The following NXPH2 variants were observed in gnomAD, a reference collection of about 807,000 sequenced individuals.
NXPH2 encodes the protein neurexophilin 2, also known as neurexophilin-2.
A neutral mutation model predicts 19.8 loss-of-function variants in NXPH2; 5 were observed. The ratio of observed to expected loss-of-function variants is 0.25; its 90% CI spans 0.13 to 0.53. The LOEUF is 0.53. NXPH2 is among the 20% of genes least tolerant of loss of function. The pLI is 0.96. For synonymous variants in NXPH2, 154 were observed against 127.4 expected, an observed-to-expected ratio of 1.21 and a Z score of -1.41; for missense variants, 289 against 322.8, an observed-to-expected ratio of 0.90 and a Z score of 0.80.
intron 1 of NXPH2, among the ~76,000 whole-genome samples, chr2:138,779,109 C>G: frequency 6.6e-6 from 1 of 152,140 alleles, no homozygotes; most frequent in South Asian, 2.1e-4. Flanking sequence ...ACAAAGAGAA[C>G]GAGAGAGAGA....
In NXPH2 at chr2:138,711,145, C is replaced by CTTTTTTTTT. The variant is rs397766605; in HGVS notation, c.52-39489_52-39481dup. 5.0e-3 allele frequency among the ~76,000 whole-genome samples: 458 copies of CTTTTTTTTT among 91,046 alleles called. 45 individuals carry two copies. The highest frequency in any genetic ancestry group is 0.013 in the African/African-American group (320 of 24,866). 59.7% of individuals were successfully genotyped at this position (91,046 alleles called of 152,430 possible). A position where few individuals can be genotyped will look rare whatever the true frequency, so the allele number is the denominator to read the frequency against. On this transcript the variant is annotated intron_variant, in intron 1 of 1. Transcript: ENST00000272641. Reference sequence around the variant, plus strand: ...TGGAATTTCCTTCCCATTTCTATCACTTTTTTTTTTTTTGAGATTGAGTCT... The same window carrying CTTTTTTTTT: ...TGGAATTTCCTTCCCATTTCTATCACTTTTTTTTTTTTTTTTTTTTTTGAGATTGAGTCT...
At chr2:138,708,084 C>T (rs1015985844) in intron 1 of NXPH2, among the ~76,000 whole-genome samples, 1 of 152,178 alleles carries the variant, frequency 6.6e-6, no homozygotes, top group African/African-American at 2.4e-5. Context: ...TCATGTGTGG[C>T]ACTGTGCTTG....
chr2:138,690,310 C>T (rs895249614), intron 1 of NXPH2, among the ~76,000 whole-genome samples: 10 of 152,158 alleles, frequency 6.6e-5, no homozygotes, highest in South Asian at 2.1e-4. Context: ...AACATGACCT[C>T]TCTCCTGGGT....
At chr2:138,733,656 A>G (rs1681486328) in intron 1 of NXPH2, among the ~76,000 whole-genome samples, 1 of 152,204 alleles carries the variant, frequency 6.6e-6, no homozygotes, top group Admixed American at 6.6e-5. Flanking sequence ...AACAAGGGAT[A>G]TGACATCTAA....
At chr2:138,761,813 C>T (rs942827768) in intron 1 of NXPH2, among the ~76,000 whole-genome samples, 2 of 152,142 alleles carry the variant, frequency 1.3e-5, no homozygotes, top group Non-Finnish European at 1.5e-5. Context: ...TTATCTTATG[C>T]GTCCAAAAGG....
chr2:138,770,106 T>C (rs1417139901), intron 1 of NXPH2, among the ~76,000 whole-genome samples: 1 of 152,142 alleles, frequency 6.6e-6, no homozygotes, highest in Non-Finnish European at 1.5e-5. Context: ...ATAAAAAGTT[T>C]ATAAAAGACT....
intron 1 of NXPH2, among the ~76,000 whole-genome samples, chr2:138,746,847 C>T (rs1558928154): frequency 6.6e-6 from 1 of 152,052 alleles, no homozygotes; most frequent in African/African-American, 2.4e-5. Context: ...TTCTTTTTCT[C>T]AAAGAAATTT....
At chr2:138,773,913 T>C (rs1375420959) in intron 1 of NXPH2, among the ~76,000 whole-genome samples, 3 of 152,218 alleles carry the variant, frequency 2.0e-5, no homozygotes, top group Non-Finnish European at 4.4e-5. Flanking sequence ...CTCCTAAGGT[T>C]AGGATCATTG....
Position 138,670,956 on chromosome 2 carries a change from T to C in NXPH2, c.761A>G (p.Tyr254Cys). 1 of 1,613,764 alleles carries C rather than the reference T, an allele frequency of 6.2e-7. No homozygotes were observed. Among genetic ancestry groups the C allele is most frequent in the Non-Finnish European group, 8.5e-7 (1 of 1,179,826 alleles). The change falls in exon 2 of 2, where the codon TAC becomes TGC. Residue 254 changes from tyrosine to cysteine, a missense_variant. Transcript: ENST00000272641. ...AGATAAGTATGGGGTCTCACTATGG[T>C]AATTGTAGTCAGGGCACACCTTTTG... ...LVQKVCPDYN[Y>C]HSETPYLSSG
At chr2:138,714,834 A>C (rs1055620901) in intron 1 of NXPH2, among the ~76,000 whole-genome samples, 5 of 152,238 alleles carry the variant, frequency 3.3e-5, no homozygotes, top group African/African-American at 7.2e-5. Context: ...ACTTGAATTC[A>C]TGTCAAATAA....
intron 1 of NXPH2, among the ~76,000 whole-genome samples, chr2:138,703,770 A>T (rs1680966877): frequency 6.6e-6 from 1 of 152,254 alleles, no homozygotes; most frequent in Admixed American, 6.5e-5. Flanking sequence ...CATGTAATAC[A>T]GTTATTACTA....
At chr2:138,742,404 T>C (rs961607142) in intron 1 of NXPH2, among the ~76,000 whole-genome samples, 10 of 152,214 alleles carry the variant, frequency 6.6e-5, no homozygotes, top group Non-Finnish European at 1.3e-4. Context: ...TAATGGAGCG[T>C]ATTTAGAAAA....
At chr2:138,769,206 T>C (rs1018343948) in intron 1 of NXPH2, among the ~76,000 whole-genome samples, 10 of 152,156 alleles carry the variant, frequency 6.6e-5, no homozygotes, top group African/African-American at 2.4e-4. Context: ...TGGAATAAGA[T>C]ACACCAGTGA....
chr2:138,774,654 C>A (rs1185816808), intron 1 of NXPH2, among the ~76,000 whole-genome samples: 1 of 152,216 alleles, frequency 6.6e-6, no homozygotes, highest in South Asian at 2.1e-4. Flanking sequence ...GACACATACA[C>A]ACTCACAGGT....
intron 1 of NXPH2, among the ~76,000 whole-genome samples, chr2:138,748,078 T>A (rs1681768890): frequency 6.6e-6 from 1 of 152,208 alleles, no homozygotes; most frequent in African/African-American, 2.4e-5. Context: ...AGCTTTGCCA[T>A]TTACCAGGGT....
intron 1 of NXPH2, among the ~76,000 whole-genome samples, chr2:138,692,974 G>A (rs538888663): frequency 1.3e-5 from 2 of 152,132 alleles, no homozygotes; most frequent in African/African-American, 4.8e-5. Context: ...GTAAGTTATA[G>A]TTCCATTTCA....
intron 1 of NXPH2, among the ~76,000 whole-genome samples, chr2:138,774,478 T>C (rs1277165431): frequency 1.3e-5 from 2 of 152,216 alleles, no homozygotes; most frequent in Non-Finnish European, 2.9e-5. Flanking sequence ...TTATGTAACA[T>C]ATATATACAG....
chr2:138,676,102 G>A (rs539395889), intron 1 of NXPH2, among the ~76,000 whole-genome samples: 36 of 152,114 alleles, frequency 2.4e-4, no homozygotes, highest in Middle Eastern at 3.4e-3. Context: ...AACCTCATCC[G>A]TTTATTACTT....
At chr2:138,689,929 C>T (rs1680723221) in intron 1 of NXPH2, among the ~76,000 whole-genome samples, 1 of 152,154 alleles carries the variant, frequency 6.6e-6, no homozygotes, top group Admixed American at 6.5e-5. Flanking sequence ...ACAAATGGGC[C>T]TGTACATGCA....
Sources: gnomAD v4.1 joint callset for allele counts (sites outside exome capture counted in the v4.1 genomes callset) on GRCh38, gnomAD v4.1.1 for gene constraint, MANE v1.5 for transcripts, NCBI Gene and HGNC (gene_info 2026-07-23, HGNC 2026-07-21) for gene names.